The following AGBL4 variants were observed in gnomAD, a reference collection of about 807,000 sequenced individuals.
The protein encoded by AGBL4 is AGBL carboxypeptidase 4.
AGBL4 carries 58 observed loss-of-function variants against 66.4 expected under a neutral mutation model. The ratio of observed to expected loss-of-function variants is 0.87; its 90% CI spans 0.71 to 1.09. The LOEUF is 1.09. Among genes scored for constraint, AGBL4 ranks in the 50% least tolerant of loss-of-function variants. The pLI is 0.00. For missense variants in AGBL4, 579 were observed against 631.0 expected, an observed-to-expected ratio of 0.92 and a Z score of 0.88; for synonymous variants, 234 against 222.9, an observed-to-expected ratio of 1.05 and a Z score of -0.44.
intron 3 of AGBL4, among the ~76,000 whole-genome samples, chr1:49,312,314 T>C (rs1056685773): frequency 3.3e-5 from 5 of 152,020 alleles, no homozygotes; most frequent in African/African-American, 1.2e-4. Context: ...AGCAACAAGG[T>C]GTCACTTTGG....
chr1:49,568,487 T>TCACACACACACA (rs71059555), intron 3 of AGBL4, among the ~76,000 whole-genome samples: 24,675 of 130,868 alleles, frequency 0.19, 3,021 homozygotes, highest in Non-Finnish European at 0.26. Flanking sequence ...AAATAAGTGA[T>TCACACACACACA]CACACACACA....
chr1:49,242,905 C>T lies in AGBL4; in HGVS notation c.377+2865G>A, dbSNP rs558770948. On this transcript the variant is annotated intron_variant, in intron 4 of 13. Coordinates refer to ENST00000371839, the MANE Select transcript of AGBL4 (RefSeq NM_032785.4). ...TTGCTTTCTATAACTAATTAACTAC[C>T]GGTCTATGCTAAGACTTGAAGGCCT... Among the ~76,000 whole-genome samples the T allele has an allele frequency of 9.9e-5, 15 of 151,692 alleles. No individual in the cohort carries two copies. In the South Asian group the frequency reaches 1.7e-3, roughly 17 times the overall value.
intron 4 of AGBL4, among the ~76,000 whole-genome samples, chr1:49,127,143 A>T (rs562158626): frequency 6.6e-6 from 1 of 152,318 alleles, no homozygotes; most frequent in South Asian, 2.1e-4. Context: ...TCTTGAAATA[A>T]GGGGAAAATA....
chr1:49,741,559 C>A (rs1399704931), intron 2 of AGBL4, among the ~76,000 whole-genome samples: 1 of 152,136 alleles, frequency 6.6e-6, no homozygotes, highest in Non-Finnish European at 1.5e-5. Flanking sequence ...ATGAGGCCAG[C>A]ATCATCCTGA....
At chr1:49,280,269 C>T (rs1277904299) in intron 3 of AGBL4, among the ~76,000 whole-genome samples, 1 of 152,174 alleles carries the variant, frequency 6.6e-6, no homozygotes, top group Non-Finnish European at 1.5e-5. Context: ...ACCCCAGCCC[C>T]CATGTTCTCT....
At chr1:49,424,565 A>G (rs1200926985) in intron 3 of AGBL4, among the ~76,000 whole-genome samples, 1 of 152,208 alleles carries the variant, frequency 6.6e-6, no homozygotes, top group Non-Finnish European at 1.5e-5. Context: ...ATTTTAATTG[A>G]ACATCTCAAC....
intron 3 of AGBL4, among the ~76,000 whole-genome samples, chr1:49,630,401 G>T (rs1645548422): frequency 6.6e-6 from 1 of 152,128 alleles, no homozygotes; most frequent in Non-Finnish European, 1.5e-5. Flanking sequence ...CACTTAATGT[G>T]TCCTGTCCAA....
chr1:49,491,556 C>T (rs373521503), intron 3 of AGBL4, among the ~76,000 whole-genome samples: 1 of 151,804 alleles, frequency 6.6e-6, no homozygotes, highest in Non-Finnish European at 1.5e-5. Context: ...AAGGAATTAC[C>T]ATGATTCAAA....
intron 6 of AGBL4, among the ~76,000 whole-genome samples, chr1:48,694,523 C>T (rs537728514): frequency 6.6e-6 from 1 of 152,344 alleles, no homozygotes; most frequent in African/African-American, 2.4e-5. Flanking sequence ...GTACTTTGCA[C>T]AGTGCCCACC....
intron 2 of AGBL4, among the ~76,000 whole-genome samples, chr1:49,721,566 T>C (rs961076818): frequency 5.3e-5 from 8 of 152,112 alleles, no homozygotes; most frequent in African/African-American, 9.7e-5. Flanking sequence ...TAAGGAGCCA[T>C]TGGAGGCTTT....
At chr1:48,589,781 T>C (rs1343031242) in intron 10 of AGBL4, among the ~76,000 whole-genome samples, 1 of 152,148 alleles carries the variant, frequency 6.6e-6, no homozygotes, top group Non-Finnish European at 1.5e-5. Context: ...TACAAAAAAA[T>C]TGAGGCTGAG....
intron 1 of AGBL4, among the ~76,000 whole-genome samples, chr1:49,876,839 A>C (rs1647022783): frequency 6.7e-6 from 1 of 149,342 alleles, no homozygotes; most frequent in South Asian, 2.2e-4. Flanking sequence ...TTCCTTGACC[A>C]GTGGTTTGTA....
At chr1:49,372,606 TTTTTCTTTCTTTC>T (rs1557878201) in intron 3 of AGBL4, among the ~76,000 whole-genome samples, 33 of 140,252 alleles carry the variant, frequency 2.4e-4, no homozygotes, top group South Asian at 4.6e-4. Context: ...TTTCTTTTTC[TTTTTCTTTCTTTC>T]TTTCTTTCTT....
chr1:49,076,155 GA>G (rs1262085498), intron 4 of AGBL4, among the ~76,000 whole-genome samples: 1 of 152,048 alleles, frequency 6.6e-6, no homozygotes, highest in Non-Finnish European at 1.5e-5. Context: ...ATGCCTCAAA[GA>G]AACAAAATAT....
intron 5 of AGBL4, among the ~76,000 whole-genome samples, chr1:48,874,616 A>T (rs1649037819): frequency 6.6e-6 from 1 of 152,312 alleles, no homozygotes; most frequent in South Asian, 2.1e-4. Flanking sequence ...TCCAAATATT[A>T]CATACTTGGA....
chr1:49,294,596 G>T (rs1307080758), intron 3 of AGBL4, among the ~76,000 whole-genome samples: 1 of 152,122 alleles, frequency 6.6e-6, no homozygotes, highest in African/African-American at 2.4e-5. Flanking sequence ...ATCTAAAAAT[G>T]GTTTTGAATC....
intron 2 of AGBL4, among the ~76,000 whole-genome samples, chr1:49,705,635 G>A (rs533460140): frequency 2.6e-5 from 4 of 152,236 alleles, no homozygotes; most frequent in South Asian, 2.1e-4. Flanking sequence ...CAAAGATAAC[G>A]TTTCCAGCTT....
At chr1:48,750,182 A>G (rs773103216) in intron 6 of AGBL4, among the ~76,000 whole-genome samples, 6 of 152,196 alleles carry the variant, frequency 3.9e-5, no homozygotes, top group Non-Finnish European at 7.3e-5. Context: ...TGCCTGACTC[A>G]GAGGAAAATA....
Position 48,965,594 on chromosome 1 carries a change from C to T in AGBL4, c.594+79990G>A, listed in dbSNP as rs550655143. On this transcript the variant is annotated intron_variant, in intron 5 of 13. Transcript: ENST00000371839. ...GGCCACCCATAGGTAGCTACTTTTG[C>T]TCCTGGTCTTCGTTAAGGTGCCACA... is the stretch of plus-strand genomic sequence containing the variant. Among the ~76,000 whole-genome samples the T allele has an allele frequency of 1.6e-4, 25 of 152,248 alleles. No homozygotes were observed. In the East Asian group the frequency reaches 4.1e-3, roughly 25 times the overall value.
Sources: gnomAD v4.1 joint callset for allele counts (sites outside exome capture counted in the v4.1 genomes callset) on GRCh38, gnomAD v4.1.1 for gene constraint, MANE v1.5 for transcripts, NCBI Gene and HGNC (gene_info 2026-07-23, HGNC 2026-07-21) for gene names.